The following FOXP1 variants were observed in gnomAD, a reference collection of about 807,000 sequenced individuals.
The protein encoded by FOXP1 is forkhead box P1.
Under a neutral mutation model 98.2 loss-of-function variants are expected in FOXP1, and 15 were observed. That is an observed-to-expected ratio of 0.15 (90% CI 0.10 to 0.24). FOXP1 has a LOEUF of 0.24. Among genes scored for constraint, FOXP1 ranks in the 10% least tolerant of loss-of-function variants. The pLI, the probability that FOXP1 is intolerant of heterozygous loss-of-function variation, is 1.00. For missense variants in FOXP1, 633 were observed against 848.5 expected, an observed-to-expected ratio of 0.75 and a Z score of 3.15; for synonymous variants, 371 against 314.5, an observed-to-expected ratio of 1.18 and a Z score of -1.90.
chr3:71,270,373 G>A (rs1437212818), intron 5 of FOXP1, among the ~76,000 whole-genome samples: 1 of 152,170 alleles, frequency 6.6e-6, no homozygotes, highest in Non-Finnish European at 1.5e-5. Flanking sequence ...GCAGACCACA[G>A]CAACACAAGT....
In FOXP1 at chr3:71,540,485, T is replaced by C. The variant is rs55683129; in HGVS notation, c.-298+41064A>G. 5.5e-4 allele frequency among the ~76,000 whole-genome samples: 84 copies of C among 152,356 alleles called. 1 individual carries two copies. The highest frequency in any genetic ancestry group is 1.9e-3 in the African/African-American group (80 of 41,574). On this transcript the variant is annotated intron_variant, in intron 2 of 20. Transcript: ENST00000649528. ...GGCATTTATCACTACTTTCCTTTGT[T>C]GTCAAGGGTAACAGATAATCAATTA...
chr3:70,968,658 A>ATGTTTTATTTC (rs1316646972), intron 19 of FOXP1: 2 of 152,256 alleles, frequency 1.3e-5, no homozygotes, highest in East Asian at 3.9e-4. Context: ...CCCAAGTCCC[A>ATGTTTTATTTC]TGTTTTATTT....
chr3:71,400,298 C>T (rs2081864643), intron 3 of FOXP1, among the ~76,000 whole-genome samples: 1 of 152,062 alleles, frequency 6.6e-6, no homozygotes. Context: ...ATCTGATAAT[C>T]AGGTAGTTAG....
At chr3:71,517,062 T>G (rs2107396544) in intron 2 of FOXP1, among the ~76,000 whole-genome samples, 1 of 152,306 alleles carries the variant, frequency 6.6e-6, no homozygotes, top group South Asian at 2.1e-4. Flanking sequence ...GGAAATGATG[T>G]CAGCCACATT....
At chr3:71,570,277 T>C (rs1428366304) in intron 2 of FOXP1, 1 of 152,080 alleles carries the variant, frequency 6.6e-6, no homozygotes, top group Non-Finnish European at 1.5e-5. Context: ...ACTTTTCTTT[T>C]TTTTTTTTTA....
chr3:71,510,976 T>C (rs932411539), intron 2 of FOXP1, among the ~76,000 whole-genome samples: 1 of 152,248 alleles, frequency 6.6e-6, no homozygotes, highest in Non-Finnish European at 1.5e-5. Flanking sequence ...CACCCCATTA[T>C]GTAAGGCAGT....
At chr3:71,254,399 G>A (rs1210626779) in intron 5 of FOXP1, among the ~76,000 whole-genome samples, 1 of 152,196 alleles carries the variant, frequency 6.6e-6, no homozygotes, top group Non-Finnish European at 1.5e-5. Context: ...ACTCATGGAG[G>A]TATTGTGGAC....
chr3:70,977,604 C>T (rs1047974204), intron 16 of FOXP1, 39 bp downstream of exon 16: 5 of 1,488,346 alleles, frequency 3.4e-6, no homozygotes, highest in African/African-American at 1.4e-5. Context: ...TACACATATA[C>T]CTTCTGACAG....
At chr3:70,986,331 T>C (rs915648902) in intron 14 of FOXP1, among the ~76,000 whole-genome samples, 4 of 152,206 alleles carry the variant, frequency 2.6e-5, no homozygotes, top group Admixed American at 6.5e-5. Flanking sequence ...TTATCTTTAA[T>C]TGTATCCTTC....
Position 71,052,592 on chromosome 3 carries a change from TC to T in FOXP1, c.454del (p.Glu152AsnfsTer54). ...QLQEFYKKQQ[E>X]QLQLQLLQQQ... ...TTGTAAAAGTTGAAGCTGCAACTGT[TC>T]CTGTTGTTTTTTATAAAACTCTTGA... is the stretch of plus-strand genomic sequence containing the variant. On this transcript the variant is annotated frameshift_variant, in exon 9 of 21. Transcript: ENST00000649528. LOFTEE classifies it high-confidence loss of function. 7.0e-7 allele frequency: 1 copy of T among 1,430,340 alleles called. No individual in the cohort carries two copies. Among genetic ancestry groups the T allele is most frequent in the Non-Finnish European group, 9.9e-7 (1 of 1,012,000 alleles). 88.6% of individuals were successfully genotyped at this position (1,430,340 alleles called of 1,614,324 possible). A position where few individuals can be genotyped will look rare whatever the true frequency, so the allele number is the denominator to read the frequency against.
intron 7 of FOXP1, among the ~76,000 whole-genome samples, chr3:71,089,527 G>C (rs1306467984): frequency 1.3e-5 from 2 of 152,316 alleles, no homozygotes; most frequent in East Asian, 3.9e-4. Flanking sequence ...CTAAGGTTTG[G>C]AGTAAATAAC....
intron 13 of FOXP1, among the ~76,000 whole-genome samples, chr3:71,000,117 T>C (rs996967008): frequency 1.3e-5 from 2 of 152,076 alleles, no homozygotes; most frequent in Admixed American, 6.6e-5. Context: ...CTATTAATTA[T>C]ACCAAGAATG....
At chr3:71,180,326 T>C (rs960427753) in intron 6 of FOXP1, among the ~76,000 whole-genome samples, 1 of 152,116 alleles carries the variant, frequency 6.6e-6, no homozygotes, top group Non-Finnish European at 1.5e-5. Context: ...TGATTATATG[T>C]AGTATATAAT....
chr3:71,569,265 T>C (rs995190950), intron 2 of FOXP1, among the ~76,000 whole-genome samples: 5 of 152,190 alleles, frequency 3.3e-5, no homozygotes, highest in African/African-American at 9.7e-5. Flanking sequence ...GAACTACTTA[T>C]GAAAGAGCAG....
chr3:70,985,371 A>G (rs2039555081), intron 14 of FOXP1, among the ~76,000 whole-genome samples: 1 of 152,038 alleles, frequency 6.6e-6, no homozygotes, highest in Non-Finnish European at 1.5e-5. Context: ...GGTTTGCTGT[A>G]TGTGTGTGCC....
chr3:71,359,381 C>A (rs1231507352), intron 3 of FOXP1, 137 bp from the exon 4 acceptor site: 1 of 152,144 alleles, frequency 6.6e-6, no homozygotes, highest in Non-Finnish European at 1.5e-5. Flanking sequence ...TGTATCTAAG[C>A]ATCTATTTTA....
chr3:71,391,692 T>C (rs56410664), intron 3 of FOXP1, among the ~76,000 whole-genome samples: 23,946 of 152,244 alleles, frequency 0.16, 2,265 homozygotes, highest in South Asian at 0.23. Context: ...ACTCTCAGCA[T>C]TGGGCAGCTG....
At chr3:71,064,974 G>C (rs2052217035) in intron 7 of FOXP1, 1 of 156,230 alleles carries the variant, frequency 6.4e-6, no homozygotes, top group Admixed American at 6.8e-5. Flanking sequence ...GCGCCGCGCC[G>C]CGCCCACCCG....
At chr3:70,998,761 A>G (rs1157033643) in intron 13 of FOXP1, among the ~76,000 whole-genome samples, 1 of 152,204 alleles carries the variant, frequency 6.6e-6, no homozygotes, top group African/African-American at 2.4e-5. Context: ...TCTAGGCCAC[A>G]CCCACCAAAA....
Sources: gnomAD v4.1 joint callset for allele counts (sites outside exome capture counted in the v4.1 genomes callset) on GRCh38, gnomAD v4.1.1 for gene constraint, MANE v1.5 for transcripts, NCBI Gene and HGNC (gene_info 2026-07-23, HGNC 2026-07-21) for gene names.